The following RNF170 variants were observed in gnomAD, a reference collection of about 807,000 sequenced individuals.
RNF170 encodes the protein ring finger protein 170.
A neutral mutation model predicts 32.7 loss-of-function variants in RNF170; 12 were observed. The observed-to-expected ratio is 0.37, with a 90% CI of 0.24 to 0.60. The LOEUF (loss-of-function observed/expected upper bound fraction) is 0.60, where lower values mean the gene tolerates loss of function less well. Among genes scored for constraint, RNF170 ranks in the 20% least tolerant of loss-of-function variants. The probability of loss-of-function intolerance (pLI) is 0.72; values close to 1 mark genes in which losing one functional copy is unlikely to be tolerated. For synonymous variants in RNF170, 91 were observed against 103.6 expected (o/e 0.88, Z 0.74); for missense variants, 212 against 311.2 (o/e 0.68, Z 2.40).
downstream of RNF170, among the ~76,000 whole-genome samples, chr8:42,852,754 C>A (rs534713309): frequency 6.6e-6 from 1 of 152,222 alleles, no homozygotes; most frequent in South Asian, 2.1e-4. Flanking sequence ...TTGCATTGAA[C>A]TGAATGTTGA....
At position 42,856,008 on chromosome 8, in the gene RNF170, GT is replaced by G. The variant is rs1563655184; in HGVS notation, c.*150del. The G allele has an allele frequency of 6.6e-7, 1 of 1,519,020 alleles. No individual in the cohort carries two copies. The highest frequency in any genetic ancestry group is 8.8e-7 in the Non-Finnish European group (1 of 1,130,292). The allele number at this position is 1,519,020 out of a possible 1,614,324, so 94.1% of individuals were successfully genotyped here. Reference sequence around the variant, plus strand: ...AAATTCCAGTTATACCTAGGTATTTGTCAAATGATAATCAAATGTTTGTCTT... The same window carrying G: ...AAATTCCAGTTATACCTAGGTATTTGCAAATGATAATCAAATGTTTGTCTT... On this transcript the variant is annotated 3_prime_UTR_variant, in exon 7 of 7. Transcript: ENST00000527424.
downstream of RNF170, chr8:42,850,849 G>A (rs1802921589): frequency 1.9e-6 from 3 of 1,551,518 alleles, no homozygotes; most frequent in African/African-American, 2.7e-5. Context: ...TAAACGTGGT[G>A]AGGCTGAAGG....
Position 42,856,340 on chromosome 8 carries a change from C to A in RNF170, c.596G>T (p.Arg199Leu). The A allele has an allele frequency of 6.3e-7, 1 of 1,591,574 alleles. No individual in the cohort carries two copies. Among genetic ancestry groups the A allele is most frequent in the Non-Finnish European group, 8.5e-7 (1 of 1,174,148 alleles). Residue 199 changes from arginine (R) to leucine (L), a missense_variant, in exon 7 of 7, where the codon CGC (arginine) becomes CTC (leucine). By Grantham distance (102) the Arg-to-Leu change is moderately radical. Around this residue, in one of 2 missense-constraint regions of RNF170, gnomAD observed 97 missense variants for 178.9 expected, o/e 0.54. Transcript: ENST00000527424. ...CATTAAACAAAGTATTATCCTGATGCGAAACATCCAGAAAAGGCCCCCGAC... is the reference window on the plus strand; with the variant it reads ...CATTAAACAAAGTATTATCCTGATGAGAAACATCCAGAAAAGGCCCCCGAC... Reference protein sequence around the residue: ...FSVGGLFWMFRIRIILCLMGA... With the variant: ...FSVGGLFWMFLIRIILCLMGA...
chr8:42,872,764 A>G (rs527665199), intron 3 of RNF170, among the ~76,000 whole-genome samples: 3 of 152,148 alleles, frequency 2.0e-5, no homozygotes, highest in African/African-American at 7.2e-5. Context: ...TCTTGTATCA[A>G]TAAATATAAG....
intron 2 of RNF170, among the ~76,000 whole-genome samples, chr8:42,882,065 GTTA>G (rs1441564145): frequency 3.9e-5 from 6 of 152,104 alleles, no homozygotes; most frequent in African/African-American, 1.2e-4. Context: ...ATTATGGATA[GTTA>G]TTATTAAAAA....
At position 42,893,156 on chromosome 8, in the gene RNF170, G is replaced by A. The variant is rs759704725; in HGVS notation, c.-8+3328C>T. Among the ~76,000 whole-genome samples, 7 of 152,112 alleles carry A rather than the reference G, an allele frequency of 4.6e-5. 1 individual carries two copies. The South Asian group carries it at 1.0e-3, about 23-fold the overall frequency. On this transcript the variant is annotated intron_variant, in intron 1 of 6. Coordinates refer to ENST00000527424, the MANE Select transcript of RNF170 (RefSeq NM_030954.4). ...CATATCTTATTACTGTTAGTAGTGCGCAGGGTCTTACATGTTGTAGTGGCC... is the reference window on the plus strand; with the variant it reads ...CATATCTTATTACTGTTAGTAGTGCACAGGGTCTTACATGTTGTAGTGGCC...
At chr8:42,884,309 C>T (rs1669599220) in intron 2 of RNF170, among the ~76,000 whole-genome samples, 1 of 152,042 alleles carries the variant, frequency 6.6e-6, no homozygotes, top group South Asian at 2.1e-4. Context: ...GTCTCGAACT[C>T]CTGACCTCCA....
intron 4 of RNF170, among the ~76,000 whole-genome samples, chr8:42,868,137 T>G (rs1804257767): frequency 6.6e-6 from 1 of 152,154 alleles, no homozygotes; most frequent in African/African-American, 2.4e-5. Context: ...GCTACTTAAG[T>G]GAAAACCTTA....
At chr8:42,873,552 AAAAAAC>A (rs2128937543) in intron 3 of RNF170, among the ~76,000 whole-genome samples, 1 of 152,312 alleles carries the variant, frequency 6.6e-6, no homozygotes, top group Non-Finnish European at 1.5e-5. Context: ...AAAGGAGAAA[AAAAAAC>A]AAAAAACAAA....
downstream of RNF170, chr8:42,850,283 C>T (rs765581123): frequency 4.0e-5 from 7 of 175,932 alleles, no homozygotes; most frequent in Non-Finnish European, 8.6e-5. Flanking sequence ...TTTACCTTTA[C>T]TCTGTGGGAA....
At chr8:42,852,812 G>A (rs1167201326), downstream of RNF170, among the ~76,000 whole-genome samples, 1 of 152,022 alleles carries the variant, frequency 6.6e-6, no homozygotes, top group Non-Finnish European at 1.5e-5. Context: ...ACTGTGGTCT[G>A]CAAATTAATT....
In RNF170 at chr8:42,853,417, A is replaced by G. The variant is rs1209251370; in HGVS notation, c.*2742T>C. 1.6e-6 allele frequency: 2 copies of G among 1,287,128 alleles called. No homozygotes were observed. Among genetic ancestry groups the G allele is most frequent in the Admixed American group, 2.3e-5 (1 of 43,544 alleles). 79.7% of individuals were successfully genotyped at this position (1,287,128 alleles called of 1,614,324 possible). A position where few individuals can be genotyped will look rare whatever the true frequency, so the allele number is the denominator to read the frequency against. ...ACAACTCTGTGAGGTAGGTATCTGC[A>G]TAGCCACAAGGGATCCACATAGTCC... On this transcript the variant is annotated 3_prime_UTR_variant, in exon 7 of 7. Coordinates refer to ENST00000527424, the MANE Select transcript of RNF170 (RefSeq NM_030954.4).
chr8:42,880,596 C>A (rs1296713463), intron 2 of RNF170, among the ~76,000 whole-genome samples: 2 of 152,076 alleles, frequency 1.3e-5, no homozygotes, highest in Non-Finnish European at 2.9e-5. Context: ...ATGGTGAAAC[C>A]CCATCTCTAT....
Position 42,853,310 on chromosome 8 carries a change from T to G in RNF170, c.*2849A>C. Reference sequence around the variant, plus strand: ...AATAACACCTTTAAAATGTTTTAGATATGTTGCTTTTATTCAAAAGAATAA... The same window carrying G: ...AATAACACCTTTAAAATGTTTTAGAGATGTTGCTTTTATTCAAAAGAATAA... On this transcript the variant is annotated 3_prime_UTR_variant, in exon 7 of 7. Coordinates refer to ENST00000527424, the MANE Select transcript of RNF170 (RefSeq NM_030954.4). 1.3e-5 allele frequency: 15 copies of G among 1,193,402 alleles called. No individual in the cohort carries two copies. Among genetic ancestry groups the G allele is most frequent in the Non-Finnish European group, 1.6e-5 (15 of 939,240 alleles). 73.9% of individuals were successfully genotyped at this position (1,193,402 alleles called of 1,614,324 possible).
In RNF170 at chr8:42,856,230, C is replaced by T. The variant is rs761090638; in HGVS notation, c.706G>A (p.Val236Ile). ...GILGFLDDFF[V>I]IFLLLIYISI... ...ATGTAGATAAGCAATAAAAAGATGA[C>T]AAAGAAATCATCTAGAAAGCCTAGA... The change falls in exon 7 of 7, where the codon GTC (valine) becomes ATC (isoleucine). Residue 236 changes from valine to isoleucine, a missense_variant. By Grantham distance (29) the Val-to-Ile change is conservative (BLOSUM62 3). Around this residue, in one of 2 missense-constraint regions of RNF170, gnomAD observed 97 missense variants for 178.9 expected, o/e 0.54. Transcript: ENST00000527424. 6.2e-7 allele frequency: 1 copy of T among 1,610,898 alleles called. No homozygotes were observed. The highest frequency in any genetic ancestry group is 1.7e-5 in the Admixed American group (1 of 59,548).
chr8:42,881,258 T>A (rs1165917321), intron 2 of RNF170: 1 of 152,264 alleles, frequency 6.6e-6, no homozygotes, highest in African/African-American at 2.4e-5. Flanking sequence ...GGTGCGCACC[T>A]GTAGTCCCAG....
chr8:42,878,927 G>C (rs968509862), intron 2 of RNF170, among the ~76,000 whole-genome samples: 2 of 152,242 alleles, frequency 1.3e-5, no homozygotes. Context: ...TGAAAATTAT[G>C]CTCATCTACT....
chr8:42,855,520 A>G lies in RNF170; in HGVS notation c.*639T>C. 1 of 1,282,110 alleles carries G rather than the reference A, an allele frequency of 7.8e-7. No homozygotes were observed. Among genetic ancestry groups the G allele is most frequent in the Non-Finnish European group, 1.0e-6 (1 of 983,834 alleles). The allele number at this position is 1,282,110 out of a possible 1,614,324, so 79.4% of individuals were successfully genotyped here. A position where few individuals can be genotyped will look rare whatever the true frequency, so the allele number is the denominator to read the frequency against. ...GCCACCCCGCCCGGCCATGTTTTTC[A>G]TCTTAATTCTTCTATTGATTAAAAT... On this transcript the variant is annotated 3_prime_UTR_variant, in exon 7 of 7. Coordinates refer to ENST00000527424, the MANE Select transcript of RNF170 (RefSeq NM_030954.4).
chr8:42,867,915 CAA>C (rs1482616765), intron 4 of RNF170, among the ~76,000 whole-genome samples: 2 of 149,414 alleles, frequency 1.3e-5, no homozygotes, highest in Admixed American at 1.3e-4. Flanking sequence ...AGGCAGAAAA[CAA>C]GAGGGAGGAC....
Sources: gnomAD v4.1 joint callset for allele counts (sites outside exome capture counted in the v4.1 genomes callset) on GRCh38, gnomAD v4.1.1 for gene constraint, gnomAD v4.1.1 regional missense constraint, MANE v1.5 for transcripts, NCBI Gene and HGNC (gene_info 2026-07-23, HGNC 2026-07-21) for gene names.